The following NFE2L1 variants were observed in gnomAD, a reference collection of about 807,000 sequenced individuals.
NFE2L1 encodes the protein NFE2 like bZIP transcription factor 1, also known as endoplasmic reticulum membrane sensor NFE2L1.
A neutral mutation model predicts 61.6 loss-of-function variants in NFE2L1; 18 were observed. That is an observed-to-expected ratio of 0.29 (90% CI 0.20 to 0.43). NFE2L1 has a LOEUF of 0.43. Ranked by LOEUF, NFE2L1 falls within the 20% of genes least tolerant of loss-of-function variation. The probability of loss-of-function intolerance (pLI) is 1.00; values close to 1 mark genes in which losing one functional copy is unlikely to be tolerated. For synonymous variants in NFE2L1, 419 were observed against 402.7 expected, an observed-to-expected ratio of 1.04 and a Z score of -0.48; for missense variants, 827 against 973.5, an observed-to-expected ratio of 0.85 and a Z score of 2.00.
intron 1 of NFE2L1, 124 bp from the exon 2 acceptor site, chr17:48,050,478 CAAAAA>C (rs200432684): frequency 9.2e-6 from 3 of 326,250 alleles, no homozygotes; most frequent in Non-Finnish European, 1.6e-5. Context: ...GACTCTGTCT[CAAAAA>C]AAAAAAAAGT....
chr17:48,050,153 C>G (rs904858608), intron 1 of NFE2L1, among the ~76,000 whole-genome samples: 7 of 151,866 alleles, frequency 4.6e-5, no homozygotes, highest in African/African-American at 1.7e-4. Context: ...GGTTTTTTTT[C>G]TGAGAGTGTA....
At position 48,056,607 on chromosome 17, in the gene NFE2L1, G is replaced by A. The variant is rs1022580354; in HGVS notation, c.723+9G>A. The A allele has an allele frequency of 2.0e-5, 33 of 1,611,822 alleles. No individual in the cohort carries two copies. The Middle Eastern group carries it at 1.0e-3, about 50-fold the overall frequency. On this transcript the variant is annotated intron_variant, in intron 3 of 5. Transcript: ENST00000362042. ...AGAGCTTCCCTGCACAGGTACCATCGCCCCTGCTCACTGGGCTCTCTTCTT... is the reference window on the plus strand; with the variant it reads ...AGAGCTTCCCTGCACAGGTACCATCACCCCTGCTCACTGGGCTCTCTTCTT...
chr17:48,050,946 T>C lies in NFE2L1; in HGVS notation c.-173T>C, dbSNP rs769792237. 1.6e-4 allele frequency: 117 copies of C among 719,466 alleles called. No homozygotes were observed. The highest frequency in any genetic ancestry group is 2.5e-4 in the Non-Finnish European group (109 of 431,522). The allele number at this position is 719,466 out of a possible 1,614,324, so 44.6% of individuals were successfully genotyped here. Reference sequence around the variant, plus strand: ...TCCTTGGCCTTGGCTCCACAGGGTGTGCTTTCCTCTGGGGCCGTCAGGGAG... The same window carrying C: ...TCCTTGGCCTTGGCTCCACAGGGTGCGCTTTCCTCTGGGGCCGTCAGGGAG... On this transcript the variant is annotated 5_prime_UTR_variant, in exon 2 of 6. Coordinates refer to ENST00000362042, the MANE Select transcript of NFE2L1 (RefSeq NM_003204.3).
chr17:48,053,118 G>A (rs1263874120), intron 2 of NFE2L1, among the ~76,000 whole-genome samples: 2 of 152,134 alleles, frequency 1.3e-5, no homozygotes, highest in Non-Finnish European at 2.9e-5. Flanking sequence ...CTCCCCCAGG[G>A]TAGCTCCCCC....
At position 48,056,502 on chromosome 17, in the gene NFE2L1, T is replaced by G. The variant is rs776164599; in HGVS notation, c.627T>G (p.Asp209Glu). The change falls in exon 3 of 6, where the codon GAT (aspartate) becomes GAG (glutamate). Residue 209 changes from aspartate to glutamate, a missense_variant. Coordinates refer to ENST00000362042, the MANE Select transcript of NFE2L1 (RefSeq NM_003204.3). ...AGGATGTGGAGAAGGAGCTGCGAGATGGAGGCGAGCAGGACACCTGGGCAG... is the reference window on the plus strand; with the variant it reads ...AGGATGTGGAGAAGGAGCTGCGAGAGGGAGGCGAGCAGGACACCTGGGCAG... ...KEQDVEKELRDGGEQDTWAGE... is the reference protein window; with the variant it reads ...KEQDVEKELREGGEQDTWAGE... 3.7e-6 allele frequency: 6 copies of G among 1,614,164 alleles called. No individual in the cohort carries two copies. In the South Asian group the frequency reaches 6.6e-5, roughly 18 times the overall value.
At chr17:48,058,250 G>T in intron 5 of NFE2L1, 45 bp from the exon 6 acceptor site, 3 of 1,521,426 alleles carry the variant, frequency 2.0e-6, no homozygotes, top group South Asian at 2.6e-5. Flanking sequence ...CCCCAGGGGA[G>T]GGAGTCAGTT....
intron 2 of NFE2L1, 148 bp downstream of exon 2, chr17:48,051,776 A>C (rs765879203): frequency 8.7e-5 from 86 of 983,256 alleles, no homozygotes; most frequent in Non-Finnish European, 1.2e-4. Flanking sequence ...GATGGGCTGA[A>C]CTTTCTGACT....
In NFE2L1 at chr17:48,051,076, G is replaced by A; in HGVS notation, c.-43G>A. ...AGTGGCCTTGATTTGTCTTTTGGAA[G>A]ATTTTAAAAACCAAAAAGCATAAAC... On this transcript the variant is annotated 5_prime_UTR_variant, in exon 2 of 6. Transcript: ENST00000362042. The A allele has an allele frequency of 6.2e-7, 1 of 1,613,088 alleles. No homozygotes were observed. The highest frequency in any genetic ancestry group is 1.1e-5 in the South Asian group (1 of 90,962).
Position 48,058,413 on chromosome 17 carries a change from A to C in NFE2L1, c.1091A>C (p.His364Pro). Residue 364 changes from histidine (H) to proline (P), a missense_variant, in exon 6 of 6, where the codon CAT becomes CCT. By Grantham distance (77) the His-to-Pro change is moderately conservative (BLOSUM62 -2). This residue lies in a region of NFE2L1 where 667 missense variants were observed against 748.4 expected (regional missense o/e 0.89). Coordinates refer to ENST00000362042, the MANE Select transcript of NFE2L1 (RefSeq NM_003204.3). ...NTPINQNVSL[H>P]QASLGGCSQD... ...CCCATCAATCAGAATGTCAGCCTGCATCAGGCGTCCCTGGGGGGCTGCAGC... is the reference window on the plus strand; with the variant it reads ...CCCATCAATCAGAATGTCAGCCTGCCTCAGGCGTCCCTGGGGGGCTGCAGC... 1 of 1,614,210 alleles carries C rather than the reference A, an allele frequency of 6.2e-7. No homozygotes were observed. Among genetic ancestry groups the C allele is most frequent in the East Asian group, 2.2e-5 (1 of 44,878 alleles).
chr17:48,053,134 T>A (rs2037298416), intron 2 of NFE2L1, among the ~76,000 whole-genome samples: 1 of 151,928 alleles, frequency 6.6e-6, no homozygotes. Flanking sequence ...CCCCCAGGGG[T>A]GGGTGTAACT....
At chr17:48,058,208 T>G in intron 5 of NFE2L1, 87 bp from the exon 6 acceptor site, 1 of 1,495,166 alleles carries the variant, frequency 6.7e-7, no homozygotes, top group East Asian at 2.3e-5. Flanking sequence ...CCCATGCAGC[T>G]GTGCCTCTGT....
At position 48,051,529 on chromosome 17, in the gene NFE2L1, C is replaced by T. The variant is rs1320597133; in HGVS notation, c.411C>T (p.Asp137=). ...SSGLQDVTGP[D]NGVRESETEQ... is the part of the protein sequence containing the mutation. Reference sequence around the variant, plus strand: ...GCCTCCAAGATGTGACAGGCCCAGACAACGGGGTGCGAGAAAGCGAAACGG... The same window carrying T: ...GCCTCCAAGATGTGACAGGCCCAGATAACGGGGTGCGAGAAAGCGAAACGG... The change falls in exon 2 of 6, where the codon GAC becomes GAT. Residue 137 remains aspartate (D), a synonymous_variant. Transcript: ENST00000362042. 1.2e-6 allele frequency: 2 copies of T among 1,614,162 alleles called. No individual in the cohort carries two copies. Among genetic ancestry groups the T allele is most frequent in the South Asian group, 1.1e-5 (1 of 91,082 alleles).
chr17:48,061,136 G>A lies in NFE2L1; in HGVS notation c.*1495G>A, dbSNP rs532275124. 6.6e-6 allele frequency: 1 copy of A among 152,616 alleles called. No homozygotes were observed. Among genetic ancestry groups the A allele is most frequent in the Admixed American group, 6.5e-5 (1 of 15,302 alleles). The allele number at this position is 152,616 out of a possible 1,614,324, so 9.5% of individuals were successfully genotyped here. The stretch of plus-strand genomic sequence containing the variant: ...CGCACAGGCTCCTGGAGGGCTGCCT[G>A]GGGGAGGCAGACATGGGAGTGCCAA... On this transcript the variant is annotated 3_prime_UTR_variant, in exon 6 of 6. Coordinates refer to ENST00000362042, the MANE Select transcript of NFE2L1 (RefSeq NM_003204.3).
rs2037536046 is a variant in NFE2L1 at position 48,060,972 on chromosome 17, T to C, written c.*1331T>C. 1 of 152,674 alleles carries C rather than the reference T, an allele frequency of 6.5e-6. No individual in the cohort carries two copies. The highest frequency in any genetic ancestry group is 1.5e-5 in the Non-Finnish European group (1 of 68,046). 9.5% of individuals were successfully genotyped at this position (152,674 alleles called of 1,614,324 possible). On this transcript the variant is annotated 3_prime_UTR_variant, in exon 6 of 6. Coordinates refer to ENST00000362042, the MANE Select transcript of NFE2L1 (RefSeq NM_003204.3). ...ACTGTGTGAACACTTGGGATTTTTC[T>C]CCTCTGTCCCGAGGTCGTCGTCTGC...
At position 48,061,519 on chromosome 17, in the gene NFE2L1, G is replaced by C. The variant is rs1411952185; in HGVS notation, c.*1878G>C. ...TTTTTCCCCACTTTGAATTTAAATT[G>C]AGAATAAAGGAAATGGACTCATTGT... is the stretch of plus-strand genomic sequence containing the variant. On this transcript the variant is annotated 3_prime_UTR_variant, in exon 6 of 6. Transcript: ENST00000362042. The C allele has an allele frequency of 6.6e-6, 1 of 152,142 alleles. No homozygotes were observed. The highest frequency in any genetic ancestry group is 2.4e-5 in the African/African-American group (1 of 41,412). 9.4% of individuals were successfully genotyped at this position (152,142 alleles called of 1,614,324 possible).
In NFE2L1 at chr17:48,058,756, C is replaced by G. The variant is rs746606621; in HGVS notation, c.1434C>G (p.Gly478=). The change falls in exon 6 of 6, where the codon GGC becomes GGG. Residue 478 remains glycine (G), a synonymous_variant. Transcript: ENST00000362042. The part of the protein sequence containing the change: ...QLEEEFDSDS[G]LSLDSSHSPS... ...AGGAGGAATTTGACTCTGACTCAGG[C>G]CTTTCCTTAGACTCGAGCCATAGCC... The G allele has an allele frequency of 6.2e-7, 1 of 1,614,212 alleles. No individual in the cohort carries two copies. Among genetic ancestry groups the G allele is most frequent in the South Asian group, 1.1e-5 (1 of 91,090 alleles).
At chr17:48,054,656 C>T in intron 2 of NFE2L1, 2 of 498,052 alleles carry the variant, frequency 4.0e-6, no homozygotes, top group South Asian at 9.2e-5. Context: ...GTTTGGGGGG[C>T]GTGGGGGGGA....
chr17:48,053,856 A>G (rs1241718709), intron 2 of NFE2L1, among the ~76,000 whole-genome samples: 2 of 152,100 alleles, frequency 1.3e-5, no homozygotes, highest in African/African-American at 2.4e-5. Flanking sequence ...GAGGGGGGAC[A>G]TTTGTGGCCA....
chr17:48,058,351 C>T lies in NFE2L1; in HGVS notation c.1029C>T (p.Asp343=). The T allele has an allele frequency of 6.2e-7, 1 of 1,613,668 alleles. No homozygotes were observed. Among genetic ancestry groups the T allele is most frequent in the Non-Finnish European group, 8.5e-7 (1 of 1,179,740 alleles). The change falls in exon 6 of 6, where the codon GAC becomes GAT. Residue 343 remains aspartate (D), a synonymous_variant. Transcript: ENST00000362042. ...SEILYSAPPG[D]PLSTNYSLAP... Reference sequence around the variant, plus strand: ...TCCTGTACAGTGCCCCTCCTGGAGACCCACTGAGCACCAACTACAGCCTTG... The same window carrying T: ...TCCTGTACAGTGCCCCTCCTGGAGATCCACTGAGCACCAACTACAGCCTTG...
Sources: allele counts gnomAD v4.1 joint callset (sites outside exome capture counted in the v4.1 genomes callset), GRCh38; gene constraint gnomAD v4.1.1; regional missense constraint gnomAD v4.1.1; transcripts MANE v1.5; gene names NCBI Gene and HGNC (gene_info 2026-07-23, HGNC 2026-07-21).